Variants in CEP350 observed in about 807,000 individuals in gnomAD.
CEP350 encodes centrosomal protein 350, also known as centrosome-associated protein 350.
CEP350 carries 126 observed loss-of-function variants against 331.8 expected under a neutral mutation model. That is an observed-to-expected ratio of 0.38 (90% confidence interval 0.33 to 0.44). CEP350 has a LOEUF of 0.44. Ranked by LOEUF, CEP350 falls within the 20% of genes least tolerant of loss-of-function variation. CEP350 has a pLI of 1.00. For missense variants in CEP350, 3,406 were observed against 3,634.6 expected, an observed-to-expected ratio of 0.94 and a Z score of 1.62; for synonymous variants, 1,200 against 1,259.5, an observed-to-expected ratio of 0.95 and a Z score of 1.00.
At chr1:180,053,249 A>C in intron 23 of CEP350, 83 bp downstream of exon 23, 2 of 617,158 alleles carry the variant, frequency 3.2e-6, no homozygotes, top group Non-Finnish European at 5.2e-6. Flanking sequence ...TACTTATCTC[A>C]TTTGTCAGCT....
rs1660464032 is a variant in CEP350 at position 180,096,041 on chromosome 1, G to C, written c.8923G>C (p.Val2975Leu). The C allele has an allele frequency of 6.4e-7, 1 of 1,552,010 alleles. No homozygotes were observed. Among genetic ancestry groups the C allele is most frequent in the Non-Finnish European group, 8.7e-7 (1 of 1,147,526 alleles). Residue 2975 changes from valine to leucine, a missense_variant, in exon 36 of 38, where the codon GTT becomes CTT. This residue lies in a region of CEP350 where 1,415 missense variants were observed against 1,512.3 expected (regional missense o/e 0.94). Transcript: ENST00000367607. ...STSKRVYKQA[V>L]FDLTKEIFEE... ...TGTTTTGTTTTTCTCTATCAAGGCG[G>C]TTTTTGATTTAACAAAAGAGATTTT...
intron 22 of CEP350, 96 bp from the exon 23 acceptor site, chr1:180,052,874 T>C (rs939544615): frequency 4.0e-6 from 2 of 501,292 alleles, no homozygotes; most frequent in African/African-American, 3.9e-5. Flanking sequence ...TATGAATTTA[T>C]GTTGGATTGT....
At chr1:180,065,767 A>T (rs1658514359) in intron 27 of CEP350, among the ~76,000 whole-genome samples, 1 of 152,018 alleles carries the variant, frequency 6.6e-6, no homozygotes, top group Non-Finnish European at 1.5e-5. Flanking sequence ...CCCCCCAAAA[A>T]AAAAGTATCT....
chr1:180,108,382 C>T (rs1019285066), intron 37 of CEP350, among the ~76,000 whole-genome samples: 2 of 152,104 alleles, frequency 1.3e-5, no homozygotes, highest in African/African-American at 4.8e-5. Flanking sequence ...GCCTGTAATC[C>T]CAGCACTTTG....
intron 1 of CEP350, among the ~76,000 whole-genome samples, chr1:179,977,937 A>G (rs1651993792): frequency 2.7e-5 from 4 of 150,640 alleles, no homozygotes; most frequent in Non-Finnish European, 5.9e-5. Context: ...TACTTTAAAA[A>G]TATTTTTATC....
At chr1:179,979,496 G>A (rs529055040) in intron 1 of CEP350, among the ~76,000 whole-genome samples, 1 of 148,424 alleles carries the variant, frequency 6.7e-6, no homozygotes, top group Non-Finnish European at 1.5e-5. Context: ...TTTTTAGGTT[G>A]TTTTTTCATT....
In CEP350 at chr1:180,092,731, T is replaced by A. The variant is rs1177985641; in HGVS notation, c.6626T>A (p.Leu2209His). 4 of 1,608,454 alleles carry A rather than the reference T, an allele frequency of 2.5e-6. No homozygotes were observed. The Admixed American group carries it at 6.8e-5, about 27-fold the overall frequency. ...TEDFQTPSPV[L>H]RSSRKIREES... The stretch of plus-strand genomic sequence containing the variant: ...GATTTTCAGACCCCATCTCCAGTTC[T>A]CAGATCATCAAGGAAAATCAGAGAA... The change falls in exon 34 of 38, where the codon CTC becomes CAC. Residue 2209 changes from leucine to histidine, a missense_variant. Coordinates refer to ENST00000367607, the MANE Select transcript of CEP350 (RefSeq NM_014810.5).
At position 179,954,988 on chromosome 1, in the gene CEP350, C is replaced by A; in HGVS notation, c.-168C>A. ...CTTCCTTCCCAGCGGACCGGCGGAT[C>A]CCCGGAGCCGGTGCGAGGAGGGCAC... On this transcript the variant is annotated 5_prime_UTR_variant, in exon 1 of 38. Transcript: ENST00000367607. The A allele has an allele frequency of 3.2e-6, 4 of 1,244,834 alleles. No individual in the cohort carries two copies. In the South Asian group the frequency reaches 6.5e-5, roughly 20 times the overall value. The allele number at this position is 1,244,834 out of a possible 1,614,324, so 77.1% of individuals were successfully genotyped here.
At chr1:180,052,202 T>A in intron 22 of CEP350, 1 of 449,378 alleles carries the variant, frequency 2.2e-6, no homozygotes, top group Non-Finnish European at 4.5e-6. Flanking sequence ...CTACAAATTC[T>A]TTCTTTCTTT....
intron 36 of CEP350, among the ~76,000 whole-genome samples, chr1:180,096,961 T>A (rs531825725): frequency 6.7e-6 from 1 of 149,540 alleles, no homozygotes; most frequent in African/African-American, 2.5e-5. Flanking sequence ...CAACAAGCTC[T>A]CAAGTCATGC....
chr1:179,987,236 C>A lies in CEP350; in HGVS notation c.74-4C>A. The A allele has an allele frequency of 6.7e-7, 1 of 1,501,678 alleles. No individual in the cohort carries two copies. Among genetic ancestry groups the A allele is most frequent in the Non-Finnish European group, 9.2e-7 (1 of 1,092,826 alleles). 93.0% of individuals were successfully genotyped at this position (1,501,678 alleles called of 1,614,324 possible). A position where few individuals can be genotyped will look rare whatever the true frequency, so the allele number is the denominator to read the frequency against. On this transcript the variant is annotated splice_polypyrimidine_tract_variant and splice_region_variant and intron_variant, in intron 2 of 37. Transcript: ENST00000367607. Reference sequence around the variant, plus strand: ...GATAAAGTAAATATCATTTTTTTTCCCAGCAGATATAACCACATCGTGGGA... The same window carrying A: ...GATAAAGTAAATATCATTTTTTTTCACAGCAGATATAACCACATCGTGGGA...
chr1:179,962,254 C>G (rs1650686843), intron 1 of CEP350, among the ~76,000 whole-genome samples: 1 of 152,156 alleles, frequency 6.6e-6, no homozygotes, highest in African/African-American at 2.4e-5. Context: ...ATTTGATTTT[C>G]TGTTTCTGCA....
At chr1:180,028,176 C>A (rs1655798313) in intron 14 of CEP350, among the ~76,000 whole-genome samples, 1 of 152,158 alleles carries the variant, frequency 6.6e-6, no homozygotes, top group Non-Finnish European at 1.5e-5. Context: ...AAACAAGATT[C>A]TTTCCTGTAA....
chr1:180,004,886 G>GCTTT (rs1654120281), intron 7 of CEP350, among the ~76,000 whole-genome samples: 1 of 55,672 alleles, frequency 1.8e-5, no homozygotes, highest in African/African-American at 5.4e-5. Context: ...TTGCTTGCTT[G>GCTTT]CTTGCTTGCT....
At chr1:179,992,967 C>G (rs1310093646) in intron 5 of CEP350, among the ~76,000 whole-genome samples, 1 of 151,368 alleles carries the variant, frequency 6.6e-6, no homozygotes, top group Non-Finnish European at 1.5e-5. Flanking sequence ...CTTGGTAGTT[C>G]TAGGTATATG....
intron 22 of CEP350, among the ~76,000 whole-genome samples, chr1:180,049,844 C>T (rs1232099352): frequency 6.6e-6 from 1 of 152,142 alleles, no homozygotes; most frequent in African/African-American, 2.4e-5. Context: ...GCCTGGCCTA[C>T]TTACCCTCTT....
intron 14 of CEP350, among the ~76,000 whole-genome samples, chr1:180,026,819 G>A (rs1655710655): frequency 1.3e-5 from 2 of 152,088 alleles, no homozygotes; most frequent in South Asian, 4.1e-4. Flanking sequence ...TTCTATTGCT[G>A]AATAATACTC....
In CEP350 at chr1:180,043,115, T is replaced by C. The variant is rs140618430; in HGVS notation, c.4422T>C (p.Leu1474=). 2.0e-4 allele frequency: 317 copies of C among 1,613,864 alleles called. 1 individual carries two copies. The Middle Eastern group carries it at 2.0e-3, about 10-fold the overall frequency. ...CTGTCGTGGCTTCAGGAGCTCCCCT[T>C]GCAATACTGTATGACCACCAACGGC... is the stretch of plus-strand genomic sequence containing the variant. ...SDAVVASGAP[L]AILYDHQRQH... The change falls in exon 20 of 38, where the codon CTT becomes CTC. Residue 1474 remains leucine (L), a synonymous_variant. Transcript: ENST00000367607.
intron 3 of CEP350, among the ~76,000 whole-genome samples, 157 bp from the exon 4 acceptor site, chr1:179,990,350 A>G (rs1158953546): frequency 6.6e-6 from 1 of 152,242 alleles, no homozygotes; most frequent in Admixed American, 6.5e-5. Flanking sequence ...AAAGTAAAAA[A>G]TGATGAAAAA....
Sources: gnomAD v4.1 joint callset for allele counts (sites outside exome capture counted in the v4.1 genomes callset) on GRCh38, gnomAD v4.1.1 for gene constraint, gnomAD v4.1.1 regional missense constraint, MANE v1.5 for transcripts, NCBI Gene and HGNC (gene_info 2026-07-23, HGNC 2026-07-21) for gene names.